ELL: variants seen among roughly 807,000 people sequenced by gnomAD.
ELL encodes elongation factor for RNA polymerase II, also known as RNA polymerase II elongation factor ELL.
A neutral mutation model predicts 64.0 loss-of-function variants in ELL; 18 were observed. That is an observed-to-expected ratio of 0.28 (90% confidence interval 0.19 to 0.42). The LOEUF (loss-of-function observed/expected upper bound fraction) is 0.42. ELL is among the 10% of genes least tolerant of loss of function. The pLI, the probability that ELL is intolerant of heterozygous loss-of-function variation, is 1.00. For synonymous variants in ELL, 399 were observed against 376.2 expected (o/e 1.06, Z -0.70); for missense variants, 797 against 870.4 (o/e 0.92, Z 1.06).
chr19:18,455,030 A>C (rs532431401), intron 6 of ELL, among the ~76,000 whole-genome samples: 1 of 148,350 alleles, frequency 6.7e-6, no homozygotes, highest in Non-Finnish European at 1.5e-5. Flanking sequence ...AATCCCAGCT[A>C]CTCAGGAGGC....
intron 10 of ELL, chr19:18,446,107 G>A: frequency 3.1e-6 from 2 of 639,630 alleles, no homozygotes. Flanking sequence ...AAGCTGGGCT[G>A]CCTTCAAGGA....
chr19:18,500,169 G>T (rs1975751627), intron 1 of ELL, among the ~76,000 whole-genome samples: 1 of 152,002 alleles, frequency 6.6e-6, no homozygotes, highest in Non-Finnish European at 1.5e-5. Context: ...GGCTGAGGCA[G>T]GAGAATTGCT....
chr19:18,443,394 G>GAT lies in ELL; in HGVS notation c.*1357_*1358insAT, dbSNP rs1974335378. ...CTCCACCCCCCAGTTTAGAAAAATA[G>GAT]ACATCTGTATTTTTGCATTTCTGTT... On this transcript the variant is annotated 3_prime_UTR_variant, in exon 12 of 12. Coordinates refer to ENST00000262809, the MANE Select transcript of ELL (RefSeq NM_006532.4). The GAT allele has an allele frequency of 4.3e-6, 1 of 232,514 alleles. No individual in the cohort carries two copies. The highest frequency in any genetic ancestry group is 8.5e-6 in the Non-Finnish European group (1 of 117,724). 14.4% of individuals were successfully genotyped at this position (232,514 alleles called of 1,614,324 possible). A position where few individuals can be genotyped will look rare whatever the true frequency, so the allele number is the denominator to read the frequency against.
chr19:18,517,697 CA>C (rs199798361), intron 1 of ELL, among the ~76,000 whole-genome samples: 2 of 150,228 alleles, frequency 1.3e-5, no homozygotes, highest in African/African-American at 2.4e-5. Context: ...CCCATCTCTA[CA>C]AAAAAAAATT....
chr19:18,509,120 T>A lies in ELL; in HGVS notation c.135+12801A>T, dbSNP rs150828852. On this transcript the variant is annotated intron_variant, in intron 1 of 11. Transcript: ENST00000262809. ...CAGGTTCCCCTCAAGATCTCGGGAA[T>A]AATATTTCAGAGTAGCCGTGAGCAG... Among the ~76,000 whole-genome samples the A allele has an allele frequency of 7.1e-3, 1,080 of 152,018 alleles. 14 individuals carry two copies. Among genetic ancestry groups the A allele is most frequent in the African/African-American group, 0.025 (1,031 of 41,450 alleles).
At chr19:18,472,688 C>T (rs1975089064) in intron 2 of ELL, 147 bp downstream of exon 2, 8 of 976,250 alleles carry the variant, frequency 8.2e-6, no homozygotes, top group Middle Eastern at 2.2e-4. Flanking sequence ...AAGGGGCTAT[C>T]CTGGGGGCCT....
intron 2 of ELL, 172 bp downstream of exon 2, chr19:18,472,662 TG>T: frequency 1.4e-6 from 1 of 739,476 alleles, no homozygotes; most frequent in Non-Finnish European, 2.2e-6. Context: ...CGACACGTCC[TG>T]GTGTGGCCCC....
chr19:18,500,601 G>A (rs564641479), intron 1 of ELL, among the ~76,000 whole-genome samples: 37 of 152,324 alleles, frequency 2.4e-4, no homozygotes, highest in East Asian at 1.4e-3. Context: ...TGTTGGGGCC[G>A]ATGGAGAGGT....
At position 18,442,893 on chromosome 19, in the gene ELL, A is replaced by G; in HGVS notation, c.*1859T>C. On this transcript the variant is annotated 3_prime_UTR_variant, in exon 12 of 12. Transcript: ENST00000262809. ...ATTAAAAGAAAAAAAAATAGTATCA[A>G]TAAGTTAGACCATATTTAATCAGCT... The G allele has an allele frequency of 8.7e-6, 2 of 228,778 alleles. No individual in the cohort carries two copies. The highest frequency in any genetic ancestry group is 1.7e-5 in the Non-Finnish European group (2 of 114,970). The allele number at this position is 228,778 out of a possible 1,614,324, so 14.2% of individuals were successfully genotyped here. A position where few individuals can be genotyped will look rare whatever the true frequency, so the allele number is the denominator to read the frequency against.
Position 18,444,325 on chromosome 19 carries a change from G to A in ELL, c.*427C>T, listed in dbSNP as rs572738761. 65 of 240,012 alleles carry A rather than the reference G, an allele frequency of 2.7e-4. No homozygotes were observed. The highest frequency in any genetic ancestry group is 1.1e-3 in the African/African-American group (51 of 45,504). The allele number at this position is 240,012 out of a possible 1,614,324, so 14.9% of individuals were successfully genotyped here. ...AGCGGCTAGACCCTGGGTGTCCGAG[G>A]AGAGGGAGGCACAGGTTTAGAAAAA... On this transcript the variant is annotated 3_prime_UTR_variant, in exon 12 of 12. Transcript: ENST00000262809.
intron 6 of ELL, among the ~76,000 whole-genome samples, chr19:18,455,467 G>A (rs928089822): frequency 6.6e-6 from 1 of 150,616 alleles, no homozygotes; most frequent in Non-Finnish European, 1.5e-5. Context: ...TCCAGCCTGC[G>A]TGACAGAGCA....
chr19:18,468,227 TACAC>T (rs112698624), intron 2 of ELL, among the ~76,000 whole-genome samples: 53 of 148,010 alleles, frequency 3.6e-4, no homozygotes, highest in African/African-American at 7.4e-4. Flanking sequence ...AAACAATCCA[TACAC>T]ACACACACAC....
intron 1 of ELL, among the ~76,000 whole-genome samples, chr19:18,516,721 G>C (rs1976140609): frequency 6.6e-6 from 1 of 152,162 alleles, no homozygotes; most frequent in Non-Finnish European, 1.5e-5. Context: ...AGAGGGGTCA[G>C]GTTATTCTCC....
intron 1 of ELL, chr19:18,473,353 GC>G: frequency 2.7e-6 from 1 of 371,416 alleles, no homozygotes; most frequent in Non-Finnish European, 5.5e-6. Flanking sequence ...CACTCTCACA[GC>G]CCCAGCTGAT....
chr19:18,449,442 C>T lies in ELL; in HGVS notation c.1465+1035G>A, dbSNP rs1164820060. 6.6e-5 allele frequency among the ~76,000 whole-genome samples: 10 copies of T among 152,144 alleles called. No individual in the cohort carries two copies. The highest frequency in any genetic ancestry group is 2.4e-5 in the African/African-American group (1 of 41,424). Reference sequence around the variant, plus strand: ...CCCACGGGAGGTGGGAAGCCCAGCACGAGGCAGGGCTGACCCAACCCCGAA... The same window carrying T: ...CCCACGGGAGGTGGGAAGCCCAGCATGAGGCAGGGCTGACCCAACCCCGAA... On this transcript the variant is annotated intron_variant, in intron 8 of 11. Transcript: ENST00000262809. This position sits in a 1 kb window ranked among gnomAD's most constrained non-coding sequence, Gnocchi z 4.4.
At position 18,456,180 on chromosome 19, in the gene ELL, G is replaced by C. The variant is rs1039522956; in HGVS notation, c.869+2025C>G. On this transcript the variant is annotated intron_variant, in intron 6 of 11. Transcript: ENST00000262809. ...CAAGAGCAGTTTGAGGTGGTGTGCA[G>C]TAGGATAGGCCTTTCCACTACCACA... is the stretch of plus-strand genomic sequence containing the variant. Among the ~76,000 whole-genome samples, 3 of 152,286 alleles carry C rather than the reference G, an allele frequency of 2.0e-5. No individual in the cohort carries two copies. The East Asian group carries it at 5.8e-4, about 29-fold the overall frequency.
intron 2 of ELL, among the ~76,000 whole-genome samples, chr19:18,471,874 G>C (rs1461944902): frequency 6.6e-6 from 1 of 152,138 alleles, no homozygotes; most frequent in Non-Finnish European, 1.5e-5. Flanking sequence ...CCAAAATCCA[G>C]ACAAATGTCC....
intron 1 of ELL, among the ~76,000 whole-genome samples, chr19:18,499,578 C>T (rs1294954964): frequency 6.6e-6 from 1 of 152,208 alleles, no homozygotes; most frequent in African/African-American, 2.4e-5. Flanking sequence ...GATGGTCCCT[C>T]AGCCCACCGT....
At chr19:18,475,150 T>C (rs1392906906) in intron 1 of ELL, among the ~76,000 whole-genome samples, 1 of 152,034 alleles carries the variant, frequency 6.6e-6, no homozygotes. Flanking sequence ...AAGAATTTGG[T>C]TAAACACAGA....
Sources: gnomAD v4.1 joint callset for allele counts (sites outside exome capture counted in the v4.1 genomes callset) on GRCh38, gnomAD v4.1.1 for gene constraint, Gnocchi (gnomAD v3.1) non-coding constraint, MANE v1.5 for transcripts, NCBI Gene and HGNC (gene_info 2026-07-23, HGNC 2026-07-21) for gene names.